ZNF577: variants seen among roughly 807,000 people sequenced by gnomAD.
The protein encoded by ZNF577 is zinc finger protein 577.
Under a neutral mutation model 13.9 loss-of-function variants are expected in ZNF577, and 14 were observed. The ratio of observed to expected loss-of-function variants is 1.00; its 90% CI spans 0.66 to 1.57. The LOEUF is 1.57. Ranked by LOEUF, ZNF577 falls within the 40% of genes most tolerant of loss-of-function variation. The probability of loss-of-function intolerance (pLI) is 0.00; values close to 1 mark genes in which losing one functional copy is unlikely to be tolerated. For synonymous variants in ZNF577, 203 were observed against 202.9 expected, an observed-to-expected ratio of 1.00 and a Z score of 0.00; for missense variants, 555 against 579.2, an observed-to-expected ratio of 0.96 and a Z score of 0.43.
chr19:51,820,853 T>A (rs920730627), intron 9 of ZNF577, among the ~76,000 whole-genome samples: 1 of 152,224 alleles, frequency 6.6e-6, no homozygotes, highest in Non-Finnish European at 1.5e-5. Flanking sequence ...GGTTAGTCAA[T>A]ATTCACCGTG....
Position 51,880,866 on chromosome 19 carries a change from A to G in ZNF577, c.-207T>C. The G allele has an allele frequency of 6.3e-6, 1 of 158,536 alleles. No homozygotes were observed. The allele number at this position is 158,536 out of a possible 1,614,324, so 9.8% of individuals were successfully genotyped here. ...CCATTACTGAAAATGTCTTGTTCCT[A>G]TAGGCCAGAACCTGTGGATTCAAGA... On this transcript the variant is annotated 5_prime_UTR_variant, in exon 2 of 6. Coordinates refer to ENST00000638348, the MANE Select transcript of ZNF577 (RefSeq NM_001370449.1).
intron 3 of ZNF577, among the ~76,000 whole-genome samples, chr19:51,879,902 TAAG>T (rs1402856297): frequency 2.6e-5 from 4 of 152,172 alleles, no homozygotes; most frequent in Admixed American, 2.6e-4. Flanking sequence ...AACCTGGAGT[TAAG>T]AAGGTAAGAA....
At chr19:51,806,292 G>C (rs62108947) in intron 10 of ZNF577, among the ~76,000 whole-genome samples, 14,913 of 152,114 alleles carry the variant, frequency 0.098, 1,014 homozygotes, top group East Asian at 0.25. Flanking sequence ...CACATGGCTT[G>C]TCAATCTCCT....
At chr19:51,855,365 T>A (rs2084406979) in intron 5 of ZNF577, among the ~76,000 whole-genome samples, 1 of 98,116 alleles carries the variant, frequency 1.0e-5, no homozygotes, top group Non-Finnish European at 2.0e-5. Flanking sequence ...TTGCTGAGGG[T>A]GCTGTGTGTG....
In ZNF577 at chr19:51,873,056, C is replaced by A; in HGVS notation, c.934G>T (p.Asp312Tyr). ...TGAATCCTCTGATGTCTGGTCAGGT[C>A]TGACTTAAAATAGAAGGTTCTTCCA... ...DCGRTFYFKS[D>Y]LTRHQRIHTG... Residue 312 changes from aspartate to tyrosine, a missense_variant, in exon 6 of 6, where the codon GAC (aspartate) becomes TAC (tyrosine). Asp to Tyr is a radical substitution (Grantham distance 160). Transcript: ENST00000638348. The A allele has an allele frequency of 1.2e-6, 2 of 1,614,134 alleles. No individual in the cohort carries two copies. Among genetic ancestry groups the A allele is most frequent in the Non-Finnish European group, 1.7e-6 (2 of 1,180,014 alleles).
intron 5 of ZNF577, among the ~76,000 whole-genome samples, chr19:51,845,319 C>A (rs1031141697): frequency 6.6e-6 from 1 of 152,012 alleles, no homozygotes; most frequent in African/African-American, 2.4e-5. Flanking sequence ...CATGGAGAAA[C>A]CCGGTCACTA....
intron 1 of ZNF577, among the ~76,000 whole-genome samples, chr19:51,884,499 G>C (rs1168836350): frequency 1.3e-5 from 2 of 152,098 alleles, no homozygotes; most frequent in Non-Finnish European, 2.9e-5. Context: ...AAAAAAGTTA[G>C]AGTCATCAGA....
At chr19:51,828,967 T>C (rs900177641) in intron 9 of ZNF577, among the ~76,000 whole-genome samples, 5 of 152,160 alleles carry the variant, frequency 3.3e-5, no homozygotes, top group African/African-American at 9.7e-5. Context: ...ATCAGGCCCC[T>C]GGTGACAGGC....
At chr19:51,829,781 C>A (rs143353379) in intron 9 of ZNF577, among the ~76,000 whole-genome samples, 1 of 152,150 alleles carries the variant, frequency 6.6e-6, no homozygotes, top group Non-Finnish European at 1.5e-5. Flanking sequence ...CTGCACAAGT[C>A]CCCTTGGCAA....
rs1309288458 is a variant in ZNF577 at position 51,857,358 on chromosome 19, G to C, written c.284-12427C>G. On this transcript the variant is annotated intron_variant and NMD_transcript_variant, in intron 5 of 10. Transcript: ENST00000638827. ...GGAGAGAAAGAAAGAGAGAAAGAAA[G>C]AAGGAAGGAAAGAAAGAAAGAAAGA... Among the ~76,000 whole-genome samples, 367 of 98,954 alleles carry C rather than the reference G, an allele frequency of 3.7e-3. 10 individuals are homozygous for C. The highest frequency in any genetic ancestry group is 9.1e-3 in the South Asian group (23 of 2,528). The allele number at this position is 98,954 out of a possible 152,430, so 64.9% of individuals were successfully genotyped here.
intron 5 of ZNF577, among the ~76,000 whole-genome samples, chr19:51,845,597 T>C (rs1254362519): frequency 6.6e-6 from 1 of 152,178 alleles, no homozygotes; most frequent in Non-Finnish European, 1.5e-5. Flanking sequence ...CTAACTGAAA[T>C]TTTTTATTCT....
intron 9 of ZNF577, among the ~76,000 whole-genome samples, chr19:51,833,423 G>A (rs576008550): frequency 3.1e-4 from 41 of 132,344 alleles, no homozygotes; most frequent in Admixed American, 5.4e-4. Flanking sequence ...TGCCATCACC[G>A]CTGGAAGTAG....
intron 5 of ZNF577, among the ~76,000 whole-genome samples, chr19:51,875,741 T>C (rs1344530929): frequency 4.6e-5 from 7 of 152,200 alleles, no homozygotes; most frequent in African/African-American, 1.7e-4. Flanking sequence ...TTCCAGTGCT[T>C]TGATGGCCCC....
chr19:51,850,171 AGAT>A (rs982193446), intron 5 of ZNF577, among the ~76,000 whole-genome samples: 9 of 152,150 alleles, frequency 5.9e-5, no homozygotes, highest in African/African-American at 2.2e-4. Flanking sequence ...AACTCCTGGG[AGAT>A]GACCTCTAAG....
chr19:51,850,027 G>C lies in ZNF577; in HGVS notation c.284-5096C>G, dbSNP rs182126873. ...AAAAGACAAAATTAGACAGAGAACT[G>C]ATTTGTTCTCTGTTCTGGGGATGGG... On this transcript the variant is annotated intron_variant and NMD_transcript_variant, in intron 5 of 10. Transcript: ENST00000638827. 8.5e-5 allele frequency among the ~76,000 whole-genome samples: 13 copies of C among 152,338 alleles called. No individual in the cohort carries two copies. The East Asian group carries it at 2.3e-3, about 27-fold the overall frequency.
chr19:51,855,776 G>A (rs967621557), intron 5 of ZNF577: 7 of 152,158 alleles, frequency 4.6e-5, no homozygotes, highest in Non-Finnish European at 5.9e-5. Context: ...GAGAGAATGA[G>A]TTAGGACAAA....
chr19:51,862,325 C>T (rs2084511912), downstream of ZNF577: 1 of 152,452 alleles, frequency 6.6e-6, no homozygotes, highest in Admixed American at 6.5e-5. Flanking sequence ...TTCCTTACTG[C>T]ATGATGAGTT....
chr19:51,867,585 C>T lies in ZNF577; in HGVS notation c.*4947G>A, dbSNP rs374031610. Among the ~76,000 whole-genome samples the T allele has an allele frequency of 4.7e-4, 65 of 138,586 alleles. No individual in the cohort carries two copies. The East Asian group carries it at 0.012, about 25-fold the overall frequency. The allele number at this position is 138,586 out of a possible 152,430, so 90.9% of individuals were successfully genotyped here. A position where few individuals can be genotyped will look rare whatever the true frequency, so the allele number is the denominator to read the frequency against. On this transcript the variant is annotated 3_prime_UTR_variant, in exon 6 of 6. Transcript: ENST00000638348. The stretch of plus-strand genomic sequence containing the variant: ...GTCAGGAGTTCGAGACCAGACTGGC[C>T]AACATGATGAAACCCCGTCTCTACT...
intron 9 of ZNF577, among the ~76,000 whole-genome samples, chr19:51,833,659 T>C (rs2084272878): frequency 6.6e-6 from 1 of 152,194 alleles, no homozygotes. Context: ...ACAATGCCTC[T>C]GATTCCTAAA....
Sources: gnomAD v4.1 joint callset for allele counts (sites outside exome capture counted in the v4.1 genomes callset) on GRCh38, gnomAD v4.1.1 for gene constraint, MANE v1.5 for transcripts, NCBI Gene and HGNC (gene_info 2026-07-23, HGNC 2026-07-21) for gene names.